TRIM63: variants seen among roughly 807,000 people sequenced by gnomAD.
TRIM63 encodes the protein E3 ubiquitin-protein ligase TRIM63.
Under a neutral mutation model 46.0 loss-of-function variants are expected in TRIM63, and 48 were observed. The observed-to-expected ratio is 1.04, with a 90% CI of 0.83 to 1.33. The LOEUF (loss-of-function observed/expected upper bound fraction) is 1.33. Among genes scored for constraint, TRIM63 ranks in the 40% most tolerant of loss-of-function variants. The pLI, the probability that TRIM63 is intolerant of heterozygous loss-of-function variation, is 0.00. For missense variants in TRIM63, 455 were observed against 441.2 expected (o/e 1.03, Z -0.28); for synonymous variants, 175 against 162.8 (o/e 1.08, Z -0.57).
Position 26,051,781 on chromosome 1 carries a change from CT to C in TRIM63, c.*91del. ...ATTGCCCCTCCAGGGGCCCCGACCCCTCCCACCCTGGGCCTGTCACCAAGGC... is the reference window on the plus strand; with the variant it reads ...ATTGCCCCTCCAGGGGCCCCGACCCCCCCACCCTGGGCCTGTCACCAAGGC... On this transcript the variant is annotated 3_prime_UTR_variant, in exon 9 of 9. Transcript: ENST00000374272. 3 of 684,636 alleles carry C rather than the reference CT, an allele frequency of 4.4e-6. No individual in the cohort carries two copies. Among genetic ancestry groups the C allele is most frequent in the Non-Finnish European group, 4.3e-6 (2 of 470,374 alleles). 42.4% of individuals were successfully genotyped at this position (684,636 alleles called of 1,614,324 possible). A position where few individuals can be genotyped will look rare whatever the true frequency, so the allele number is the denominator to read the frequency against.
chr1:26,057,147 C>G, intron 7 of TRIM63, 56 bp downstream of exon 7: 10 of 1,600,188 alleles, frequency 6.2e-6, no homozygotes, highest in Non-Finnish European at 8.5e-6. Context: ...TGGAGGGATG[C>G]TGGTTTCCAG....
In TRIM63 at chr1:26,051,497, C is replaced by G. The variant is rs906218256; in HGVS notation, c.*376G>C. On this transcript the variant is annotated 3_prime_UTR_variant, in exon 9 of 9. Coordinates refer to ENST00000374272, the MANE Select transcript of TRIM63 (RefSeq NM_032588.4). ...GCTTCCTTCCCCTCTTTCTGACAAT[C>G]GCAGGTCACCCAACGACCAGGCATT... is the stretch of plus-strand genomic sequence containing the variant. The G allele has an allele frequency of 1.8e-5, 3 of 164,224 alleles. No individual in the cohort carries two copies. The East Asian group carries it at 4.9e-4, about 27-fold the overall frequency. 10.2% of individuals were successfully genotyped at this position (164,224 alleles called of 1,614,324 possible).
chr1:26,054,769 C>T (rs1413505956), intron 7 of TRIM63, among the ~76,000 whole-genome samples: 4 of 151,936 alleles, frequency 2.6e-5, no homozygotes, highest in African/African-American at 9.7e-5. Context: ...GAGTTCAAGA[C>T]CTGCCTGGCC....
At chr1:26,057,474 G>T in intron 6 of TRIM63, 147 bp from the exon 7 acceptor site, 4 of 1,395,364 alleles carry the variant, frequency 2.9e-6, no homozygotes, top group Non-Finnish European at 2.9e-6. Flanking sequence ...TCAAGCACAA[G>T]GAGTGGTCCA....
chr1:26,058,417 G>C lies in TRIM63; in HGVS notation c.804C>G (p.Asp268Glu). 6.2e-7 allele frequency: 1 copy of C among 1,614,072 alleles called. No homozygotes were observed. Among genetic ancestry groups the C allele is most frequent in the East Asian group, 2.2e-5 (1 of 44,876 alleles). The change falls in exon 5 of 9, where the codon GAC becomes GAG. Residue 268 changes from aspartate (D) to glutamate (E), a missense_variant. Physicochemically the swap from Asp to Glu is conservative, Grantham distance 45. Coordinates refer to ENST00000374272, the MANE Select transcript of TRIM63 (RefSeq NM_032588.4). ...AGAGGAAGGTGGCTCCCCCAGGCTC[G>C]TCCAGGGACTGGATGGCAGTTTCCA... is the stretch of plus-strand genomic sequence containing the variant. ...KLVETAIQSL[D>E]EPGGATFLLT...
rs774155273 is a variant in TRIM63 at position 26,066,351 on chromosome 1, G to A, written c.249C>T (p.Ile83=). 6.2e-7 allele frequency: 1 copy of A among 1,614,080 alleles called. No homozygotes were observed. Among genetic ancestry groups the A allele is most frequent in the Admixed American group, 1.7e-5 (1 of 60,024 alleles). The part of the protein sequence containing the change: ...FRCPTCRHEV[I]MDRHGVYGLQ... ...GGCCGTACACTCCGTGACGATCCAT[G>A]ATCACCTCGTGGCGGCAGGTGGGGC... is the stretch of plus-strand genomic sequence containing the variant. Residue 83 remains isoleucine, a synonymous_variant, in exon 2 of 9, where the codon ATC becomes ATT. Transcript: ENST00000374272.
intron 4 of TRIM63, among the ~76,000 whole-genome samples, chr1:26,059,487 C>T (rs992502423): frequency 6.6e-5 from 10 of 152,126 alleles, no homozygotes; most frequent in Non-Finnish European, 1.3e-4. Flanking sequence ...GGTGGAAAAA[C>T]AGCTCCTTTC....
At chr1:26,065,480 T>G (rs1043616026) in intron 2 of TRIM63, among the ~76,000 whole-genome samples, 15 of 152,208 alleles carry the variant, frequency 9.9e-5, no homozygotes, top group Admixed American at 9.8e-4. Flanking sequence ...AGCTAGTTTT[T>G]AAACTTTGTA....
chr1:26,053,025 C>T lies in TRIM63; in HGVS notation c.1051+868G>A, dbSNP rs148900162. ...GTGGCGCAATCATAGCTCACTGCAGCCTCTACCTCTTGGGCTCAAGCAATC... is the reference window on the plus strand; with the variant it reads ...GTGGCGCAATCATAGCTCACTGCAGTCTCTACCTCTTGGGCTCAAGCAATC... On this transcript the variant is annotated intron_variant, in intron 8 of 8. Coordinates refer to ENST00000374272, the MANE Select transcript of TRIM63 (RefSeq NM_032588.4). Among the ~76,000 whole-genome samples the T allele has an allele frequency of 4.6e-5, 7 of 152,260 alleles. No homozygotes were observed. The East Asian group carries it at 1.4e-3, about 29-fold the overall frequency.
rs773394521 is a variant in TRIM63, at chr1:26,061,232, G to T, written c.435C>A (p.Cys145Ter). 6.2e-7 allele frequency: 1 copy of T among 1,614,198 alleles called. No individual in the cohort carries two copies. Among genetic ancestry groups the T allele is most frequent in the South Asian group, 1.1e-5 (1 of 91,090 alleles). The change falls in exon 3 of 9, where the codon TGC becomes TGA. Residue 145 changes from cysteine to a stop codon, truncating the protein, a stop_gained. Coordinates refer to ENST00000374272, the MANE Select transcript of TRIM63 (RefSeq NM_032588.4). LOFTEE classifies it high-confidence loss of function. ...LTCEVPTCSM[C>*]KVFGIHKACE... ...AGGCCTTGTGGATCCCAAACACCTT[G>T]CACATGGAGCAGGTGGGCACCTCAC...
At chr1:26,061,691 G>A (rs1262639064) in intron 2 of TRIM63, among the ~76,000 whole-genome samples, 1 of 152,156 alleles carries the variant, frequency 6.6e-6, no homozygotes, top group Non-Finnish European at 1.5e-5. Context: ...AGAGGAAACT[G>A]GGCTCCAGAA....
intron 2 of TRIM63, among the ~76,000 whole-genome samples, chr1:26,062,256 G>C (rs56160328): frequency 7.5e-6 from 1 of 134,002 alleles, no homozygotes; most frequent in African/African-American, 2.9e-5. Flanking sequence ...GGCAACAAGA[G>C]CAAAACTCCG....
rs766582085 is a variant in TRIM63, at chr1:26,061,163, T to C, written c.501+3A>G. ...TGGGGGTAAAAGTGGCTGGAGACAG[T>C]ACCTTTTGTCCCTGGAAGACACTCT... On this transcript the variant is annotated splice_donor_region_variant and intron_variant, in intron 3 of 8. Coordinates refer to ENST00000374272, the MANE Select transcript of TRIM63 (RefSeq NM_032588.4). The C allele has an allele frequency of 1.2e-6, 2 of 1,613,204 alleles. No homozygotes were observed. The highest frequency in any genetic ancestry group is 1.1e-5 in the South Asian group (1 of 91,016).
At chr1:26,060,024 C>T (rs756623849) in intron 4 of TRIM63, among the ~76,000 whole-genome samples, 4 of 152,154 alleles carry the variant, frequency 2.6e-5, no homozygotes, top group East Asian at 1.9e-4. Context: ...TCAGGGACCA[C>T]GTCTGTCTGG....
chr1:26,057,504 G>T, intron 6 of TRIM63, 124 bp downstream of exon 6: 3 of 1,398,404 alleles, frequency 2.1e-6, no homozygotes, highest in Non-Finnish European at 1.9e-6. Context: ...GGATGCAAAG[G>T]GTCAGGGAAG....
chr1:26,066,175 C>T lies in TRIM63; in HGVS notation c.332+93G>A. On this transcript the variant is annotated intron_variant, in intron 2 of 8. Coordinates refer to ENST00000374272, the MANE Select transcript of TRIM63 (RefSeq NM_032588.4). ...GCTAGTCCAGCTAGAGGCCTGGATC[C>T]TGAGCAGATGAAGGAGGGGGAAGGA... The T allele has an allele frequency of 2.8e-6, 4 of 1,430,266 alleles. No individual in the cohort carries two copies. In the South Asian group the frequency reaches 3.6e-5, roughly 13 times the overall value. 88.6% of individuals were successfully genotyped at this position (1,430,266 alleles called of 1,614,324 possible). A position where few individuals can be genotyped will look rare whatever the true frequency, so the allele number is the denominator to read the frequency against.
chr1:26,054,094 G>C (rs535128320), intron 7 of TRIM63, 130 bp from the exon 8 acceptor site: 1 of 602,744 alleles, frequency 1.7e-6, no homozygotes, highest in Non-Finnish European at 2.8e-6. Context: ...GCCACACAGC[G>C]GCGGCAGTGG....
At chr1:26,060,753 C>T (rs149667315) in intron 3 of TRIM63, among the ~76,000 whole-genome samples, 35 of 152,290 alleles carry the variant, frequency 2.3e-4, no homozygotes, top group African/African-American at 8.2e-4. Context: ...GCTTACTGCA[C>T]GGACAGGGTG....
In TRIM63 at chr1:26,058,424, G is replaced by A. The variant is rs760697533; in HGVS notation, c.797C>T (p.Ser266Phe). The change falls in exon 5 of 9, where the codon TCC becomes TTC. Residue 266 changes from serine to phenylalanine, a missense_variant. Ser to Phe is a radical substitution (Grantham distance 155). Transcript: ENST00000374272. ...STKLVETAIQ[S>F]LDEPGGATFL... ...GGTGGCTCCCCCAGGCTCGTCCAGG[G>A]ACTGGATGGCAGTTTCCACCAGCTT... 13 of 1,614,152 alleles carry A rather than the reference G, an allele frequency of 8.1e-6. No individual in the cohort carries two copies. Among genetic ancestry groups the A allele is most frequent in the African/African-American group, 1.3e-5 (1 of 75,040 alleles).
Sources: gnomAD v4.1 joint callset for allele counts (sites outside exome capture counted in the v4.1 genomes callset) on GRCh38, gnomAD v4.1.1 for gene constraint, MANE v1.5 for transcripts, NCBI Gene and HGNC (gene_info 2026-07-23, HGNC 2026-07-21) for gene names.